Variants in KMT2E observed in about 807,000 individuals in gnomAD.
KMT2E encodes histone reader KMT2E.
KMT2E carries 30 observed loss-of-function variants against 184.6 expected under a neutral mutation model. The ratio of observed to expected loss-of-function variants is 0.16; its 90% confidence interval spans 0.12 to 0.22. The LOEUF (loss-of-function observed/expected upper bound fraction) is 0.22. KMT2E is among the 10% of genes least tolerant of loss of function. The pLI is 1.00. For missense variants in KMT2E, 2,023 were observed against 2,237.4 expected (o/e 0.90, Z 1.93); for synonymous variants, 815 against 776.5 (o/e 1.05, Z -0.82).
intron 15 of KMT2E, among the ~76,000 whole-genome samples, chr7:105,101,030 G>A (rs570157019): frequency 6.6e-6 from 1 of 152,248 alleles, no homozygotes. Context: ...AAGTGCATAT[G>A]AATTTTACCT....
At chr7:105,081,434 T>C (rs961835643) in intron 12 of KMT2E, among the ~76,000 whole-genome samples, 4 of 149,540 alleles carry the variant, frequency 2.7e-5, no homozygotes, top group Admixed American at 6.7e-5. Flanking sequence ...TTATTATTAT[T>C]ATTATTATTA....
At chr7:105,064,102 C>T in intron 5 of KMT2E, 1 of 417,512 alleles carries the variant, frequency 2.4e-6, no homozygotes. Context: ...AGAAAGGCCT[C>T]CTCCCCTAGA....
intron 6 of KMT2E, among the ~76,000 whole-genome samples, chr7:105,070,822 A>G (rs958473776): frequency 6.6e-6 from 1 of 151,514 alleles, no homozygotes; most frequent in African/African-American, 2.4e-5. Flanking sequence ...CAAAAACAGA[A>G]TTGTTTTTTG....
At chr7:105,096,513 G>T (rs760225413) in intron 15 of KMT2E, among the ~76,000 whole-genome samples, 5 of 152,120 alleles carry the variant, frequency 3.3e-5, no homozygotes, top group African/African-American at 1.2e-4. Flanking sequence ...AGGAAGTCAC[G>T]TAGGCAAGAG....
chr7:105,110,221 A>G, intron 23 of KMT2E, 59 bp from the exon 24 acceptor site: 2 of 1,323,406 alleles, frequency 1.5e-6, no homozygotes, highest in Non-Finnish European at 2.2e-6. Context: ...ACTATGAAGC[A>G]ACAATGTAAC....
In KMT2E at chr7:105,112,504, C is replaced by T. The variant is rs1458200822; in HGVS notation, c.4748C>T (p.Thr1583Ile). 6.2e-7 allele frequency: 1 copy of T among 1,613,946 alleles called. No homozygotes were observed. The highest frequency in any genetic ancestry group is 1.3e-5 in the African/African-American group (1 of 74,862). The change falls in exon 27 of 27, where the codon ACA becomes ATA. Residue 1583 changes from threonine to isoleucine, a missense_variant. Physicochemically the swap from Thr to Ile is moderately conservative, Grantham distance 89 (BLOSUM62 -1). Coordinates refer to ENST00000311117, the MANE Select transcript of KMT2E (RefSeq NM_182931.3). ...KGSLSQQTVF[T>I]SGPNQALPGT... Reference sequence around the variant, plus strand: ...AGTCTTTCTCAACAAACTGTGTTTACATCAGGACCAAATCAAGCACTTCCT... The same window carrying T: ...AGTCTTTCTCAACAAACTGTGTTTATATCAGGACCAAATCAAGCACTTCCT...
At chr7:105,085,052 T>A (rs146656493) in intron 13 of KMT2E, among the ~76,000 whole-genome samples, 19 of 152,270 alleles carry the variant, frequency 1.2e-4, no homozygotes, top group Middle Eastern at 3.4e-3. Context: ...CTTTTTTTTT[T>A]AATATTTCTA....
At chr7:105,045,258 C>T (rs964166177) in intron 3 of KMT2E, among the ~76,000 whole-genome samples, 1 of 152,236 alleles carries the variant, frequency 6.6e-6, no homozygotes, top group Non-Finnish European at 1.5e-5. Flanking sequence ...TATTGACTCT[C>T]TTTACCTTTG....
chr7:105,015,926 A>C (rs1370192238), intron 1 of KMT2E, among the ~76,000 whole-genome samples: 5 of 152,082 alleles, frequency 3.3e-5, no homozygotes, highest in South Asian at 2.1e-4. Context: ...AAAAAAAAAA[A>C]CAGCCTTGCA....
chr7:105,026,109 A>G (rs181927755), intron 1 of KMT2E, among the ~76,000 whole-genome samples: 24 of 152,322 alleles, frequency 1.6e-4, no homozygotes, highest in Admixed American at 4.6e-4. Flanking sequence ...AGATACATGT[A>G]TTATAATTCT....
intron 22 of KMT2E, 48 bp from the exon 23 acceptor site, chr7:105,108,889 GACATA>G: frequency 1.2e-5 from 18 of 1,457,352 alleles, no homozygotes; most frequent in Non-Finnish European, 1.7e-5. Flanking sequence ...CATTGGTTCT[GACATA>G]AAAAACAAGA....
chr7:105,076,639 T>C (rs1797536093), intron 9 of KMT2E, among the ~76,000 whole-genome samples: 1 of 152,158 alleles, frequency 6.6e-6, no homozygotes, highest in Non-Finnish European at 1.5e-5. Flanking sequence ...CCCCAAAACA[T>C]AAGTTTGTCT....
intron 1 of KMT2E, among the ~76,000 whole-genome samples, chr7:105,021,395 G>A (rs1279971139): frequency 6.6e-6 from 1 of 152,206 alleles, no homozygotes; most frequent in Non-Finnish European, 1.5e-5. Flanking sequence ...AGAGAGAGAT[G>A]AGACTGTCCC....
chr7:105,090,076 G>A lies in KMT2E; in HGVS notation c.1426G>A (p.Glu476Lys). ...GTGCCCTGTTCTAAAACGTAGTTCT[G>A]AATCCATGGAAAATATCAATAGTGG... ...PECPVLKRSS[E>K]SMENINSGYE... Residue 476 changes from glutamate (E) to lysine (K), a missense_variant, in exon 14 of 27, where the codon GAA (glutamate) becomes AAA (lysine). Physicochemically the swap from Glu to Lys is moderately conservative, Grantham distance 56 (BLOSUM62 1). This residue lies in a region of KMT2E where 514 missense variants were observed against 621.8 expected (regional missense o/e 0.83). Transcript: ENST00000311117. 6.2e-7 allele frequency: 1 copy of A among 1,613,628 alleles called. No homozygotes were observed. Among genetic ancestry groups the A allele is most frequent in the Non-Finnish European group, 8.5e-7 (1 of 1,179,886 alleles).
intron 1 of KMT2E, among the ~76,000 whole-genome samples, chr7:105,033,849 G>C (rs779079208): frequency 2.6e-5 from 4 of 152,110 alleles, no homozygotes; most frequent in African/African-American, 4.8e-5. Context: ...CAAGAAGCAT[G>C]GTGGCATCAC....
At chr7:105,062,044 A>G (rs1452351670) in intron 3 of KMT2E, 120 bp from the exon 4 acceptor site, 63 of 681,494 alleles carry the variant, frequency 9.2e-5, no homozygotes, top group Non-Finnish European at 1.5e-4. Context: ...CACCTGCTGT[A>G]AGTAGATACT....
In KMT2E at chr7:105,102,093, A is replaced by G; in HGVS notation, c.2095A>G (p.Thr699Ala). The G allele has an allele frequency of 6.2e-7, 1 of 1,613,294 alleles. No individual in the cohort carries two copies. Among genetic ancestry groups the G allele is most frequent in the Non-Finnish European group, 8.5e-7 (1 of 1,179,288 alleles). ...AAATGATATTGAAAATACTGTACTT[A>G]CAATAGAACCAGAAACTGAAACTGC... ...QQNDIENTVL[T>A]IEPETETALA... is the part of the protein sequence containing the mutation. Residue 699 changes from threonine (T) to alanine (A), a missense_variant, in exon 17 of 27, where the codon ACA becomes GCA. Thr to Ala is a moderately conservative substitution (Grantham distance 58). Transcript: ENST00000311117.
At chr7:105,067,136 A>G (rs557306801) in intron 6 of KMT2E, among the ~76,000 whole-genome samples, 82 of 151,430 alleles carry the variant, frequency 5.4e-4, no homozygotes, top group African/African-American at 1.8e-3. Context: ...CGATTCTAAC[A>G]TACGCTTTTC....
At chr7:105,075,950 T>C in intron 8 of KMT2E, 93 bp from the exon 9 acceptor site, 1 of 969,544 alleles carries the variant, frequency 1.0e-6, no homozygotes, top group Non-Finnish European at 1.6e-6. Flanking sequence ...GTTATGACAC[T>C]TCAGTTAAAA....
Sources: gnomAD v4.1 joint callset for allele counts (sites outside exome capture counted in the v4.1 genomes callset) on GRCh38, gnomAD v4.1.1 for gene constraint, gnomAD v4.1.1 regional missense constraint, MANE v1.5 for transcripts, NCBI Gene and HGNC (gene_info 2026-07-23, HGNC 2026-07-21) for gene names.